Variants in PACRG observed in about 807,000 individuals in gnomAD.
PACRG encodes parkin coregulated gene protein.
A neutral mutation model predicts 29.7 loss-of-function variants in PACRG; 29 were observed. That is an observed-to-expected ratio of 0.98 (90% confidence interval 0.73 to 1.33). The LOEUF (loss-of-function observed/expected upper bound fraction) is 1.33. Among genes scored for constraint, PACRG ranks in the 40% most tolerant of loss-of-function variants. PACRG has a pLI of 0.00. For synonymous variants in PACRG, 116 were observed against 118.7 expected (o/e 0.98, Z 0.15); for missense variants, 279 against 316.2 (o/e 0.88, Z 0.89).
At chr6:163,078,510 G>T (rs1165438877) in intron 3 of PACRG, among the ~76,000 whole-genome samples, 2 of 151,298 alleles carry the variant, frequency 1.3e-5, no homozygotes, top group Non-Finnish European at 2.9e-5. Flanking sequence ...AAAAGGGGGG[G>T]AGGGGGGCAA....
chr6:162,868,925 G>C (rs1219999307), intron 2 of PACRG, among the ~76,000 whole-genome samples: 2 of 152,202 alleles, frequency 1.3e-5, no homozygotes, highest in Non-Finnish European at 2.9e-5. Flanking sequence ...TGCTGACACA[G>C]GGCAGCATGC....
chr6:162,830,555 A>C (rs547719186), intron 2 of PACRG, among the ~76,000 whole-genome samples: 1 of 152,312 alleles, frequency 6.6e-6, no homozygotes, highest in African/African-American at 2.4e-5. Context: ...ATGTTTCTCC[A>C]GAGCTCAATA....
rs535521755 is a variant in PACRG, at chr6:162,959,200, T to A, written c.292-102950T>A. Among the ~76,000 whole-genome samples the A allele has an allele frequency of 2.0e-5, 3 of 151,914 alleles. No individual in the cohort carries two copies. The South Asian group carries it at 6.2e-4, about 32-fold the overall frequency. On this transcript the variant is annotated intron_variant, in intron 2 of 4. Transcript: ENST00000366888. The stretch of plus-strand genomic sequence containing the variant: ...TACCAAAGCTCTGGGATTACAGGTG[T>A]TAGCCACCGTGCCTGGCCAACACAT...
chr6:162,900,957 C>A (rs1056489064), intron 2 of PACRG, among the ~76,000 whole-genome samples: 1 of 152,194 alleles, frequency 6.6e-6, no homozygotes, highest in African/African-American at 2.4e-5. Context: ...TCTTCAACTA[C>A]GCATCCCGTC....
At chr6:162,943,734 A>G (rs1331779753) in intron 2 of PACRG, among the ~76,000 whole-genome samples, 2 of 152,046 alleles carry the variant, frequency 1.3e-5, no homozygotes, top group Admixed American at 6.6e-5. Flanking sequence ...TAGGCACCTG[A>G]GCATCTCTCC....
At chr6:162,844,242 C>G (rs369964904) in intron 2 of PACRG, among the ~76,000 whole-genome samples, 1 of 149,172 alleles carries the variant, frequency 6.7e-6, no homozygotes, top group African/African-American at 2.4e-5. Flanking sequence ...GTGCTAGCAA[C>G]CAGCGAGACT....
intron 2 of PACRG, among the ~76,000 whole-genome samples, chr6:163,011,063 A>G (rs1312182153): frequency 3.5e-5 from 5 of 142,376 alleles, no homozygotes; most frequent in African/African-American, 1.3e-4. Context: ...AATCAGGTGA[A>G]TTAGCTCACC....
chr6:162,950,804 C>T (rs1271773631), intron 2 of PACRG, among the ~76,000 whole-genome samples: 4 of 152,096 alleles, frequency 2.6e-5, no homozygotes, highest in African/African-American at 7.2e-5. Flanking sequence ...ATTGAAAAAG[C>T]TCTTTCAGTG....
chr6:163,236,550 A>G, intron 4 of PACRG, among the ~76,000 whole-genome samples: 1 of 150,858 alleles, frequency 6.6e-6, no homozygotes, highest in East Asian at 2.0e-4. Flanking sequence ...CTGATGGGAA[A>G]TATGACTGTG....
chr6:163,222,237 T>G (rs1209400730), intron 4 of PACRG, among the ~76,000 whole-genome samples: 1 of 152,236 alleles, frequency 6.6e-6, no homozygotes, highest in Non-Finnish European at 1.5e-5. Context: ...CAGGGACAGC[T>G]TGTGGAAATG....
chr6:163,021,402 C>T (rs930164219), intron 2 of PACRG, among the ~76,000 whole-genome samples: 3 of 152,140 alleles, frequency 2.0e-5, no homozygotes, highest in Non-Finnish European at 4.4e-5. Context: ...TTATTTCAAC[C>T]ATTTCCTTCT....
intron 4 of PACRG, among the ~76,000 whole-genome samples, chr6:163,153,971 G>T (rs1562941442): frequency 6.6e-6 from 1 of 152,178 alleles, no homozygotes; most frequent in East Asian, 1.9e-4. Flanking sequence ...AAGCTGAGAG[G>T]CCCTAAGAGG....
intron 4 of PACRG, among the ~76,000 whole-genome samples, chr6:163,178,605 G>C (rs1353878757): frequency 2.0e-5 from 3 of 152,188 alleles, no homozygotes; most frequent in Admixed American, 6.5e-5. Flanking sequence ...TGACAGGAGA[G>C]AAATTAAACA....
rs1166909247 is a variant in PACRG, at chr6:162,982,424, C to T, written c.292-79726C>T. 5.9e-5 allele frequency among the ~76,000 whole-genome samples: 9 copies of T among 151,482 alleles called. No individual in the cohort carries two copies. The East Asian group carries it at 1.2e-3, about 20-fold the overall frequency. On this transcript the variant is annotated intron_variant, in intron 2 of 4. Coordinates refer to ENST00000366888, the MANE Select transcript of PACRG (RefSeq NM_001080379.2). Reference sequence around the variant, plus strand: ...TCTATTTGTGCTCTTTTAGACTTTGCGACGTAGGCATTTCATGCTATGAAT... The same window carrying T: ...TCTATTTGTGCTCTTTTAGACTTTGTGACGTAGGCATTTCATGCTATGAAT...
At chr6:163,036,426 T>G (rs1006770304) in intron 2 of PACRG, among the ~76,000 whole-genome samples, 16 of 152,204 alleles carry the variant, frequency 1.1e-4, no homozygotes, top group African/African-American at 3.9e-4. Flanking sequence ...CCAGATCTAA[T>G]AAAACTAATA....
At chr6:163,272,892 C>CTTTT (rs200076248) in intron 4 of PACRG, among the ~76,000 whole-genome samples, 1 of 109,480 alleles carries the variant, frequency 9.1e-6, no homozygotes, top group African/African-American at 3.8e-5. Context: ...ATGCATCATT[C>CTTTT]TTTTTTTTTT....
chr6:163,117,918 G>T (rs1188283346), intron 4 of PACRG, among the ~76,000 whole-genome samples: 3 of 152,180 alleles, frequency 2.0e-5, no homozygotes, highest in Non-Finnish European at 4.4e-5. Flanking sequence ...TACAGGCAGA[G>T]AATTGACAAC....
intron 1 of PACRG, among the ~76,000 whole-genome samples, chr6:162,776,181 A>C (rs1205772587): frequency 6.6e-6 from 1 of 152,202 alleles, no homozygotes; most frequent in Admixed American, 6.5e-5. Context: ...TTACTTCGTG[A>C]CAGCAATTAC....
At chr6:163,098,714 G>A (rs1814823460) in intron 4 of PACRG, among the ~76,000 whole-genome samples, 1 of 152,196 alleles carries the variant, frequency 6.6e-6, no homozygotes, top group African/African-American at 2.4e-5. Context: ...TATTAAGAAA[G>A]TAAAGGAATA....
Sources: gnomAD v4.1 joint callset for allele counts (sites outside exome capture counted in the v4.1 genomes callset) on GRCh38, gnomAD v4.1.1 for gene constraint, MANE v1.5 for transcripts, NCBI Gene and HGNC (gene_info 2026-07-23, HGNC 2026-07-21) for gene names.